TUFT1: variants seen among roughly 807,000 people sequenced by gnomAD.
TUFT1 encodes the protein tuftelin 1.
Under a neutral mutation model 57.8 loss-of-function variants are expected in TUFT1, and 43 were observed. The ratio of observed to expected loss-of-function variants is 0.74; its 90% CI spans 0.58 to 0.96. TUFT1 has a LOEUF of 0.96. Among genes scored for constraint, TUFT1 ranks in the 40% least tolerant of loss-of-function variants. The probability of loss-of-function intolerance (pLI) is 0.00; values close to 1 mark genes in which losing one functional copy is unlikely to be tolerated. For synonymous variants in TUFT1, 166 were observed against 176.7 expected, an observed-to-expected ratio of 0.94 and a Z score of 0.48; for missense variants, 459 against 489.0, an observed-to-expected ratio of 0.94 and a Z score of 0.58.
At chr1:151,580,181 G>A (rs1387803479) in intron 11 of TUFT1, among the ~76,000 whole-genome samples, 1 of 152,212 alleles carries the variant, frequency 6.6e-6, no homozygotes, top group East Asian at 1.9e-4. Flanking sequence ...ACTACCTGAA[G>A]ATCACTTTGC....
rs778905774 is a variant in TUFT1, at chr1:151,569,653, G to A, written c.481-4G>A. The A allele has an allele frequency of 1.2e-6, 2 of 1,612,480 alleles. No homozygotes were observed. The highest frequency in any genetic ancestry group is 8.5e-7 in the Non-Finnish European group (1 of 1,178,734). On this transcript the variant is annotated splice_region_variant and splice_polypyrimidine_tract_variant and intron_variant, in intron 6 of 12. Coordinates refer to ENST00000368849, the MANE Select transcript of TUFT1 (RefSeq NM_020127.3). ...TCCCCTTCCCTTCCTTGTTCTGGCT[G>A]TAGGTGGACACCTGTATAAATGAGG...
chr1:151,557,721 C>T, intron 1 of TUFT1: 1 of 795,532 alleles, frequency 1.3e-6, no homozygotes, highest in East Asian at 2.4e-5. Flanking sequence ...GCCTGCCACT[C>T]TATGCTGCAG....
chr1:151,583,446 T>C lies in TUFT1; in HGVS notation c.*1739T>C, dbSNP rs1375131549. ...CTTTGTCCATAACAATGCTCTGGGA[T>C]TTCAGGGAGTTCCCTCATTTGTAAA... On this transcript the variant is annotated 3_prime_UTR_variant, in exon 13 of 13. Coordinates refer to ENST00000368849, the MANE Select transcript of TUFT1 (RefSeq NM_020127.3). The C allele has an allele frequency of 6.6e-6, 1 of 152,188 alleles. No individual in the cohort carries two copies. The highest frequency in any genetic ancestry group is 2.4e-5 in the African/African-American group (1 of 41,450). 9.4% of individuals were successfully genotyped at this position (152,188 alleles called of 1,614,324 possible).
chr1:151,547,818 TACAG>T (rs1665388112), intron 1 of TUFT1, among the ~76,000 whole-genome samples: 1 of 152,194 alleles, frequency 6.6e-6, no homozygotes, highest in South Asian at 2.1e-4. Flanking sequence ...CACTTCCCTC[TACAG>T]ACACACTGTC....
chr1:151,557,126 A>G (rs7523069), intron 1 of TUFT1, among the ~76,000 whole-genome samples: 3,815 of 151,964 alleles, frequency 0.025, 154 homozygotes, highest in African/African-American at 0.088. Context: ...TTTGAGTGTT[A>G]TCTCTTTGTA....
rs778944952 is a variant in TUFT1, at chr1:151,564,558, A to G, written c.358A>G (p.Ile120Val). Residue 120 changes from isoleucine to valine, a missense_variant, in exon 5 of 13, where the codon ATA (isoleucine) becomes GTA (valine). Ile to Val is a conservative substitution (Grantham distance 29). Transcript: ENST00000368849. ...RNCLQKLRED[I>V]SSKLDRNLGD... ...CTGCCTACAGAAGCTCCGGGAGGAT[A>G]TAAGTAGCAAGCTTGACAGGAACCT... The G allele has an allele frequency of 2.5e-6, 4 of 1,614,034 alleles. No homozygotes were observed. Among genetic ancestry groups the G allele is most frequent in the South Asian group, 2.2e-5 (2 of 91,084 alleles).
At chr1:151,547,810 C>T (rs1665387626) in intron 1 of TUFT1, among the ~76,000 whole-genome samples, 1 of 152,222 alleles carries the variant, frequency 6.6e-6, no homozygotes, top group Admixed American at 6.5e-5. Flanking sequence ...CAGGAGCTCA[C>T]TTCCCTCTAC....
At chr1:151,571,156 G>C (rs1394249391) in intron 7 of TUFT1, among the ~76,000 whole-genome samples, 1 of 152,202 alleles carries the variant, frequency 6.6e-6, no homozygotes, top group Non-Finnish European at 1.5e-5. Flanking sequence ...AAAAGAGAAA[G>C]GCCAGCTTGA....
rs1430765088 is a variant in TUFT1, at chr1:151,562,141, T to C, written c.111T>C (p.Asp37=). 1 of 1,614,156 alleles carries C rather than the reference T, an allele frequency of 6.2e-7. No individual in the cohort carries two copies. The highest frequency in any genetic ancestry group is 2.2e-5 in the East Asian group (1 of 44,886). The change falls in exon 2 of 13, where the codon GAT becomes GAC. Residue 37 remains aspartate (D), a synonymous_variant. Transcript: ENST00000368849. ...RLTLQGELTG[D]ELEHIAQKAG... The stretch of plus-strand genomic sequence containing the variant: ...CTCTCCAGGGTGAACTGACAGGAGA[T>C]GAACTTGAACACATAGCCCAGAAGG...
chr1:151,580,475 A>G (rs1014921222), intron 11 of TUFT1, among the ~76,000 whole-genome samples: 2 of 152,040 alleles, frequency 1.3e-5, no homozygotes, highest in Non-Finnish European at 2.9e-5. Flanking sequence ...TAGGCAACAT[A>G]GTGAGACTTT....
At chr1:151,548,132 A>C (rs996817606) in intron 1 of TUFT1, among the ~76,000 whole-genome samples, 1 of 152,142 alleles carries the variant, frequency 6.6e-6, no homozygotes, top group Admixed American at 6.5e-5. Flanking sequence ...CCTGAGACTG[A>C]TGAGCTGAGT....
Position 151,569,930 on chromosome 1 carries a change from C to T in TUFT1, c.594+160C>T, listed in dbSNP as rs926101372. 15 of 621,856 alleles carry T rather than the reference C, an allele frequency of 2.4e-5. No homozygotes were observed. In the South Asian group the frequency reaches 2.5e-4, roughly 10 times the overall value. 38.5% of individuals were successfully genotyped at this position (621,856 alleles called of 1,614,324 possible). The stretch of plus-strand genomic sequence containing the variant: ...GGAACGCTTGTCTGCTTTTCCCTCT[C>T]CTGGACGTTTACACTGTTTACTGTC... On this transcript the variant is annotated intron_variant, in intron 7 of 12. Coordinates refer to ENST00000368849, the MANE Select transcript of TUFT1 (RefSeq NM_020127.3).
chr1:151,541,808 A>G (rs1469859662), intron 1 of TUFT1, among the ~76,000 whole-genome samples: 1 of 152,172 alleles, frequency 6.6e-6, no homozygotes, highest in East Asian at 1.9e-4. Flanking sequence ...GAAGAAATCT[A>G]TCCATTATGT....
chr1:151,578,770 C>A lies in TUFT1; in HGVS notation c.868C>A (p.His290Asn). The A allele has an allele frequency of 6.3e-7, 1 of 1,584,542 alleles. No homozygotes were observed. The highest frequency in any genetic ancestry group is 1.2e-5 in the South Asian group (1 of 86,922). Residue 290 changes from histidine (H) to asparagine (N), a missense_variant, in exon 10 of 13, where the codon CAC becomes AAC. Physicochemically the swap from His to Asn is moderately conservative, Grantham distance 68. Transcript: ENST00000368849. Reference sequence around the variant, plus strand: ...GGCCGGGTTGCGGGAGAAGATCCACCACTTGGATGACATGCTCAAGAGCCA... The same window carrying A: ...GGCCGGGTTGCGGGAGAAGATCCACAACTTGGATGACATGCTCAAGAGCCA... The part of the protein sequence containing the change: ...EVAGLREKIH[H>N]LDDMLKSQQR...
At position 151,582,281 on chromosome 1, in the gene TUFT1, A is replaced by G; in HGVS notation, c.*574A>G. ...AGGCCTGGTGAGAGCCAGTGAACCT[A>G]AGCTTTGACTGGGTGGCCTTGTCTT... On this transcript the variant is annotated 3_prime_UTR_variant, in exon 13 of 13. Coordinates refer to ENST00000368849, the MANE Select transcript of TUFT1 (RefSeq NM_020127.3). The G allele has an allele frequency of 2.2e-6, 1 of 451,150 alleles. No individual in the cohort carries two copies. Among genetic ancestry groups the G allele is most frequent in the Non-Finnish European group, 4.5e-6 (1 of 224,260 alleles). 27.9% of individuals were successfully genotyped at this position (451,150 alleles called of 1,614,324 possible).
intron 6 of TUFT1, among the ~76,000 whole-genome samples, chr1:151,567,059 T>C (rs529954777): frequency 2.0e-5 from 3 of 152,028 alleles, no homozygotes; most frequent in South Asian, 4.2e-4. Flanking sequence ...GCTGGGACTA[T>C]AGGGCACGCG....
intron 9 of TUFT1, 83 bp downstream of exon 9, chr1:151,575,088 G>T: frequency 1.6e-6 from 2 of 1,261,892 alleles, no homozygotes; most frequent in East Asian, 2.5e-5. Context: ...TCCTGTGGTG[G>T]CCTGGTCTGG....
intron 10 of TUFT1, among the ~76,000 whole-genome samples, chr1:151,579,179 C>G (rs1666570574): frequency 6.6e-6 from 1 of 152,180 alleles, no homozygotes. Flanking sequence ...TGCCTTACCC[C>G]ACCTGAGCTT....
chr1:151,560,456 C>T (rs1665848678), intron 1 of TUFT1, among the ~76,000 whole-genome samples: 1 of 152,096 alleles, frequency 6.6e-6, no homozygotes, highest in South Asian at 2.1e-4. Context: ...TAATATACCC[C>T]TTTTACAGAT....
Sources: gnomAD v4.1 joint callset for allele counts (sites outside exome capture counted in the v4.1 genomes callset) on GRCh38, gnomAD v4.1.1 for gene constraint, MANE v1.5 for transcripts, NCBI Gene and HGNC (gene_info 2026-07-23, HGNC 2026-07-21) for gene names.